Variants in TMCO5A observed in about 807,000 individuals in gnomAD.
TMCO5A encodes the protein transmembrane and coiled-coil domain-containing protein 5A.
In TMCO5A, 34 loss-of-function variants were observed where a neutral mutation model predicts 42.3. The observed-to-expected ratio is 0.80, with a 90% CI of 0.61 to 1.07. The LOEUF is 1.07. Ranked by LOEUF, TMCO5A falls within the 50% of genes least tolerant of loss-of-function variation. TMCO5A has a pLI of 0.00. For synonymous variants in TMCO5A, 131 were observed against 115.6 expected, an observed-to-expected ratio of 1.13 and a Z score of -0.86; for missense variants, 357 against 327.9, an observed-to-expected ratio of 1.09 and a Z score of -0.69.
intron 6 of TMCO5A, 65 bp from the exon 7 acceptor site, chr15:37,941,084 G>A: frequency 6.6e-7 from 1 of 1,523,758 alleles, no homozygotes; most frequent in East Asian, 2.3e-5. Context: ...CCACCTTGGT[G>A]ACAGCATTCC....
At chr15:38,006,001 A>T in the TMCO5A span, among the ~76,000 whole-genome samples, 6 of 152,174 alleles carry the variant, frequency 3.9e-5, no homozygotes, top group African/African-American at 1.4e-4. Context: ...CAGAATGATA[A>T]ATTATTTGCA....
At chr15:38,023,011 C>T in the TMCO5A span, among the ~76,000 whole-genome samples, 2 of 152,062 alleles carry the variant, frequency 1.3e-5, no homozygotes, top group Non-Finnish European at 2.9e-5. Flanking sequence ...GTATAAGTTC[C>T]ATGCAATCCC....
the TMCO5A span, among the ~76,000 whole-genome samples, chr15:37,996,796 C>A: frequency 6.6e-6 from 1 of 152,120 alleles, no homozygotes; most frequent in South Asian, 2.1e-4. Context: ...TCAGACCTGG[C>A]CCTGGACACT....
chr15:37,944,363 C>T (rs1402342081), intron 10 of TMCO5A: 1 of 152,058 alleles, frequency 6.6e-6, no homozygotes, highest in African/African-American at 2.4e-5. Context: ...CCCCACAGCT[C>T]ATCAAAATAT....
chr15:38,005,584 AAATT>A, the TMCO5A span, among the ~76,000 whole-genome samples: 1 of 151,992 alleles, frequency 6.6e-6, no homozygotes. Context: ...CTCTAAAAAT[AAATT>A]AATTAATTAA....
At chr15:37,957,293 G>A (rs1691217533) in intron 11 of TMCO5A, among the ~76,000 whole-genome samples, 1 of 152,204 alleles carries the variant, frequency 6.6e-6, no homozygotes, top group Non-Finnish European at 1.5e-5. Flanking sequence ...AAAAGAGGAA[G>A]TCAAATTGTC....
intron 9 of TMCO5A, chr15:37,942,581 G>T: frequency 8.9e-6 from 2 of 224,024 alleles, no homozygotes; most frequent in Non-Finnish European, 1.8e-5. Context: ...TGATAAGTAG[G>T]GTATTCCTTA....
chr15:37,985,258 G>A, the TMCO5A span, among the ~76,000 whole-genome samples: 1 of 152,144 alleles, frequency 6.6e-6, no homozygotes, highest in Non-Finnish European at 1.5e-5. Context: ...CCATGTGGAA[G>A]GTTATAGAAT....
At chr15:37,953,619 A>G (rs1890213957), downstream of TMCO5A, among the ~76,000 whole-genome samples, 1 of 152,024 alleles carries the variant, frequency 6.6e-6, no homozygotes, top group Non-Finnish European at 1.5e-5. Flanking sequence ...GCCCAGATTG[A>G]GAAGACTACA....
downstream of TMCO5A, among the ~76,000 whole-genome samples, chr15:37,954,566 G>T (rs1214521337): frequency 2.0e-5 from 3 of 152,010 alleles, no homozygotes; most frequent in African/African-American, 7.2e-5. Flanking sequence ...GAGTACATTA[G>T]TCAGAAAGAA....
chr15:37,954,115 G>A (rs944742383), downstream of TMCO5A, among the ~76,000 whole-genome samples: 1 of 151,906 alleles, frequency 6.6e-6, no homozygotes, highest in Non-Finnish European at 1.5e-5. Context: ...GGCCTTAAAG[G>A]GGAGATAAAC....
chr15:37,979,311 A>G, the TMCO5A span, among the ~76,000 whole-genome samples: 29,750 of 150,968 alleles, frequency 0.2, 6,059 homozygotes, highest in African/African-American at 0.52. Context: ...AGCAGGAGCT[A>G]TAGAGAACAA....
intron 11 of TMCO5A, among the ~76,000 whole-genome samples, chr15:37,963,471 C>A (rs989525404): frequency 3.3e-5 from 5 of 152,104 alleles, no homozygotes; most frequent in Admixed American, 1.3e-4. Flanking sequence ...TATGGCCTAT[C>A]ATATGGTATA....
the TMCO5A span, among the ~76,000 whole-genome samples, chr15:37,976,770 T>TTCTG: frequency 2.6e-5 from 4 of 151,052 alleles, no homozygotes; most frequent in Non-Finnish European, 5.9e-5. Flanking sequence ...TTTGGTTTCT[T>TTCTG]TCTTTCTTTC....
chr15:37,937,620 G>A (rs1412686442), intron 5 of TMCO5A, among the ~76,000 whole-genome samples: 1 of 152,110 alleles, frequency 6.6e-6, no homozygotes, highest in Non-Finnish European at 1.5e-5. Flanking sequence ...GGAATATTTA[G>A]TAATCTCATG....
chr15:37,948,030 G>T (rs1439880545), intron 11 of TMCO5A, among the ~76,000 whole-genome samples: 1 of 152,076 alleles, frequency 6.6e-6, no homozygotes, highest in Non-Finnish European at 1.5e-5. Flanking sequence ...TTAGCTTGAT[G>T]TATCTGGTTT....
chr15:37,947,468 A>G (rs1231682283), intron 10 of TMCO5A, among the ~76,000 whole-genome samples, 188 bp from the exon 11 acceptor site: 1 of 152,088 alleles, frequency 6.6e-6, no homozygotes, highest in African/African-American at 2.4e-5. Context: ...GTAAAAAGGT[A>G]GGACAAATAA....
At chr15:37,937,106 A>G in intron 4 of TMCO5A, 136 bp downstream of exon 4, 3 of 1,390,464 alleles carry the variant, frequency 2.2e-6, no homozygotes, top group Non-Finnish European at 2.9e-6. Flanking sequence ...AAATTTGTCC[A>G]TGCGTGGAAG....
chr15:37,997,936 T>A, the TMCO5A span, among the ~76,000 whole-genome samples: 2 of 152,240 alleles, frequency 1.3e-5, no homozygotes, highest in Non-Finnish European at 2.9e-5. Context: ...TGATTTGCAG[T>A]TCTCTGATGA....
Sources: allele counts gnomAD v4.1 joint callset (sites outside exome capture counted in the v4.1 genomes callset), GRCh38; gene constraint gnomAD v4.1.1; transcripts MANE v1.5; gene names NCBI Gene and HGNC (gene_info 2026-07-23, HGNC 2026-07-21).